The following DYSF variants were observed in gnomAD, a reference collection of about 807,000 sequenced individuals.
DYSF encodes the protein dystrophy-associated fer-1-like 1.
DYSF carries 212 observed loss-of-function variants against 274.9 expected under a neutral mutation model. The observed-to-expected ratio is 0.77, with a 90% CI of 0.69 to 0.86. The LOEUF (loss-of-function observed/expected upper bound fraction) is 0.86. Among genes scored for constraint, DYSF ranks in the 40% least tolerant of loss-of-function variants. The pLI is 0.00. For missense variants in DYSF, 2,666 were observed against 2,783.2 expected (o/e 0.96, Z 0.95); for synonymous variants, 1,091 against 1,078.7 (o/e 1.01, Z -0.22).
intron 30 of DYSF, among the ~76,000 whole-genome samples, chr2:71,577,769 G>A (rs1313588335): frequency 3.3e-5 from 5 of 152,190 alleles, no homozygotes; most frequent in Non-Finnish European, 7.3e-5. Flanking sequence ...CTGAGCTGCT[G>A]TCTTTGTCCC....
rs886044537 is a variant in DYSF at position 71,539,239 on chromosome 2, G to T, written c.1576G>T (p.Val526Leu). The change falls in exon 17 of 56, where the codon GTG becomes TTG. Residue 526 changes from valine (V) to leucine (L), a missense_variant and splice_region_variant. By Grantham distance (32) the Val-to-Leu change is conservative. Coordinates refer to ENST00000410020, the MANE Select transcript of DYSF (RefSeq NM_001130987.2). ...KISAPGGEIE[V>L]DDYLGFLPTF... ...CTCTGCCCCTGGAGGAGAAATAGAAGGTATGTTCCCTCTTCGTTCTGCCCT... is the reference window on the plus strand; with the variant it reads ...CTCTGCCCCTGGAGGAGAAATAGAATGTATGTTCCCTCTTCGTTCTGCCCT... 1 of 1,613,662 alleles carries T rather than the reference G, an allele frequency of 6.2e-7. No individual in the cohort carries two copies. The highest frequency in any genetic ancestry group is 1.7e-5 in the Admixed American group (1 of 60,014).
In DYSF at chr2:71,570,651, C is replaced by G. The variant is rs756490689; in HGVS notation, c.3138C>G (p.Val1046=). ...CGGAGCGGAAGCCGAAGCACTGGGT[C>G]CCTGCTGAGAAGATGTACTACACAC... ...IPPERKPKHW[V]PAEKMYYTHR... The change falls in exon 29 of 56, where the codon GTC becomes GTG. Residue 1046 remains valine (V), a synonymous_variant. Coordinates refer to ENST00000410020, the MANE Select transcript of DYSF (RefSeq NM_001130987.2). 2.5e-6 allele frequency: 4 copies of G among 1,614,006 alleles called. 1 individual carries two copies. The African/African-American group carries it at 4.0e-5, about 16-fold the overall frequency.
rs372421421 is a variant in DYSF, at chr2:71,543,930, G to C, written c.1576+4691G>C. Reference sequence around the variant, plus strand: ...GGGGAGAGGGGGAGGGAGAAGGAGAGGGAGAGGGAGAGGGAGACGGAGAGG... The same window carrying C: ...GGGGAGAGGGGGAGGGAGAAGGAGACGGAGAGGGAGAGGGAGACGGAGAGG... On this transcript the variant is annotated intron_variant, in intron 17 of 55. Transcript: ENST00000410020. 8.6e-5 allele frequency among the ~76,000 whole-genome samples: 12 copies of C among 139,536 alleles called. No individual in the cohort carries two copies. The East Asian group carries it at 2.0e-3, about 23-fold the overall frequency. The allele number at this position is 139,536 out of a possible 152,430, so 91.5% of individuals were successfully genotyped here. A position where few individuals can be genotyped will look rare whatever the true frequency, so the allele number is the denominator to read the frequency against.
intron 12 of DYSF, among the ~76,000 whole-genome samples, chr2:71,524,399 A>G (rs575427832): frequency 2.4e-4 from 36 of 152,254 alleles, no homozygotes; most frequent in South Asian, 1.7e-3. Flanking sequence ...TGTCTAGGGG[A>G]ATAGACATTT....
intron 12 of DYSF, among the ~76,000 whole-genome samples, chr2:71,522,696 G>A (rs1044832806): frequency 6.6e-6 from 1 of 152,020 alleles, no homozygotes; most frequent in Non-Finnish European, 1.5e-5. Flanking sequence ...ATGTCCCTTA[G>A]GCCCCTCTAA....
Position 71,668,693 on chromosome 2 carries a change from G to A in DYSF, c.5458-61G>A, listed in dbSNP as rs2095062109. The A allele has an allele frequency of 5.9e-6, 9 of 1,527,050 alleles. No individual in the cohort carries two copies. In the South Asian group the frequency reaches 9.2e-5, roughly 16 times the overall value. 94.6% of individuals were successfully genotyped at this position (1,527,050 alleles called of 1,614,324 possible). A position where few individuals can be genotyped will look rare whatever the true frequency, so the allele number is the denominator to read the frequency against. Reference sequence around the variant, plus strand: ...GCCCTCAGCATCTGGCCCAGAGCAGGTGCTTGGTAACAGCTGGTTAAATGA... The same window carrying A: ...GCCCTCAGCATCTGGCCCAGAGCAGATGCTTGGTAACAGCTGGTTAAATGA... On this transcript the variant is annotated intron_variant, in intron 48 of 55. Coordinates refer to ENST00000410020, the MANE Select transcript of DYSF (RefSeq NM_001130987.2).
intron 1 of DYSF, among the ~76,000 whole-genome samples, chr2:71,471,415 T>G (rs370796295): frequency 2.4e-3 from 372 of 152,248 alleles, no homozygotes; most frequent in African/African-American, 8.5e-3. Flanking sequence ...CACAGGGTGT[T>G]TATCTACAGG....
At chr2:71,517,379 C>T (rs11682477) in intron 10 of DYSF, among the ~76,000 whole-genome samples, 3 of 152,026 alleles carry the variant, frequency 2.0e-5, no homozygotes, top group Admixed American at 6.5e-5. Context: ...CCACCACATA[C>T]GTTCTCAAGA....
intron 1 of DYSF, among the ~76,000 whole-genome samples, chr2:71,476,491 A>T (rs2082402918): frequency 6.7e-6 from 1 of 150,206 alleles, no homozygotes; most frequent in Non-Finnish European, 1.5e-5. Flanking sequence ...CAGTGAGCCG[A>T]GATCACACCA....
rs2094247306 is a variant in DYSF at position 71,628,304 on chromosome 2, A to G, written c.4527+7695A>G. ...TAGACTGCTTTAACTCCAATCACCTATCAATTTGCAAACTTTTGTACAATA... is the reference window on the plus strand; with the variant it reads ...TAGACTGCTTTAACTCCAATCACCTGTCAATTTGCAAACTTTTGTACAATA... On this transcript the variant is annotated intron_variant, in intron 41 of 55. Transcript: ENST00000410020. Among the ~76,000 whole-genome samples the G allele has an allele frequency of 2.6e-5, 4 of 152,102 alleles. 1 individual carries two copies. The highest frequency in any genetic ancestry group is 4.4e-5 in the Non-Finnish European group (3 of 68,000).
rs543928058 is a variant in DYSF at position 71,638,247 on chromosome 2, A to ATAATCCATGTGAATACAGGTTATTGAGG, written c.4528-5697_4528-5696insATTGAGGTAATCCATGTGAATACAGGTT. ...TTTTAATTTTAGCAACTTTATTGAG[A>ATAATCCATGTGAATACAGGTTATTGAGG]TAATCCATGTGAATACAGGTTCTTA... On this transcript the variant is annotated intron_variant, in intron 41 of 55. Coordinates refer to ENST00000410020, the MANE Select transcript of DYSF (RefSeq NM_001130987.2). Among the ~76,000 whole-genome samples, 71 of 152,132 alleles carry ATAATCCATGTGAATACAGGTTATTGAGG rather than the reference A, an allele frequency of 4.7e-4. 2 individuals carry two copies. In the East Asian group the frequency reaches 0.014, roughly 29 times the overall value.
Position 71,667,487 on chromosome 2 carries a change from ACAGCC to A in DYSF, c.5431_5435del (p.Ser1811ProfsTer54), listed in dbSNP as rs1293719053. The A allele has an allele frequency of 6.2e-7, 1 of 1,614,098 alleles. No individual in the cohort carries two copies. Among genetic ancestry groups the A allele is most frequent in the Non-Finnish European group, 8.5e-7 (1 of 1,180,004 alleles). ...GAGCACGTGGAGTCACGGCCCCTCT[ACAGCC>A]CCCTGCAGCCAGACATCGAGCAGGT... is the stretch of plus-strand genomic sequence containing the variant. On this transcript the variant is annotated frameshift_variant, in exon 48 of 56. Transcript: ENST00000410020. LOFTEE classifies it high-confidence loss of function.
chr2:71,519,454 T>C (rs1032994380), intron 10 of DYSF, among the ~76,000 whole-genome samples: 2 of 152,196 alleles, frequency 1.3e-5, no homozygotes, highest in Admixed American at 1.3e-4. Flanking sequence ...TTAAGTGGAA[T>C]GTACACAGTT....
chr2:71,648,545 A>T (rs2094603565), intron 42 of DYSF, among the ~76,000 whole-genome samples: 1 of 152,222 alleles, frequency 6.6e-6, no homozygotes. Flanking sequence ...AAATAGTAAA[A>T]AAAATTACAG....
chr2:71,499,812 G>C (rs2084793448), intron 3 of DYSF, among the ~76,000 whole-genome samples: 2 of 152,230 alleles, frequency 1.3e-5, no homozygotes, highest in South Asian at 4.1e-4. Context: ...GGTCTGAGGA[G>C]GCTGGGAGCA....
rs764429879 is a variant in DYSF, at chr2:71,682,535, C to T, written c.6179C>T (p.Pro2060Leu). Residue 2060 changes from proline (P) to leucine (L), a missense_variant, in exon 55 of 56, where the codon CCC (proline) becomes CTC (leucine). By Grantham distance (98) the Pro-to-Leu change is moderately conservative (BLOSUM62 -3). This residue lies in a region of DYSF where 1,460 missense variants were observed against 1,502.1 expected (regional missense o/e 0.97). Transcript: ENST00000410020. ...MNPKLEDPRR[P>L]DTSFLWFTSP... ...CTCCGGGATCTCGCTTCCAGGCGCCCCGACACCTCCTTCCTGTGGTTTACC... is the reference window on the plus strand; with the variant it reads ...CTCCGGGATCTCGCTTCCAGGCGCCTCGACACCTCCTTCCTGTGGTTTACC... The T allele has an allele frequency of 2.5e-6, 4 of 1,613,924 alleles. No homozygotes were observed. The East Asian group carries it at 8.9e-5, about 36-fold the overall frequency.
intron 39 of DYSF, 24 bp downstream of exon 39, chr2:71,612,830 C>A: frequency 6.2e-7 from 1 of 1,602,056 alleles, no homozygotes; most frequent in Non-Finnish European, 8.5e-7. Context: ...AGATGATGGG[C>A]AGGTCAGGGA....
chr2:71,568,279 C>CT lies in DYSF; in HGVS notation c.2807dup (p.Arg937ProfsTer23). The CT allele has an allele frequency of 6.2e-7, 1 of 1,614,238 alleles. No individual in the cohort carries two copies. Among genetic ancestry groups the CT allele is most frequent in the South Asian group, 1.1e-5 (1 of 91,088 alleles). ...GCAAGATCAAGCTACCCAAGGACAG[C>CT]TTCCGCCCCTCGGCCGGCTGGACCT... is the stretch of plus-strand genomic sequence containing the variant. On this transcript the variant is annotated frameshift_variant, in exon 26 of 56. Transcript: ENST00000410020. LOFTEE classifies it high-confidence loss of function.
At chr2:71,509,171 T>C (rs1032956422) in intron 4 of DYSF, among the ~76,000 whole-genome samples, 2 of 151,450 alleles carry the variant, frequency 1.3e-5, no homozygotes, top group African/African-American at 4.9e-5. Flanking sequence ...GAAGTGTTTT[T>C]GTTTTTGTTT....
Sources: gnomAD v4.1 joint callset for allele counts (sites outside exome capture counted in the v4.1 genomes callset) on GRCh38, gnomAD v4.1.1 for gene constraint, gnomAD v4.1.1 regional missense constraint, MANE v1.5 for transcripts, NCBI Gene and HGNC (gene_info 2026-07-23, HGNC 2026-07-21) for gene names.